CNTN3: variants seen among roughly 807,000 people sequenced by gnomAD.
CNTN3 encodes contactin-3.
Under a neutral mutation model 119.1 loss-of-function variants are expected in CNTN3, and 60 were observed. The ratio of observed to expected loss-of-function variants is 0.50; its 90% CI spans 0.41 to 0.62. The LOEUF is 0.62. Ranked by LOEUF, CNTN3 falls within the 20% of genes least tolerant of loss-of-function variation. CNTN3 has a pLI of 0.00. For synonymous variants in CNTN3, 450 were observed against 438.7 expected, an observed-to-expected ratio of 1.03 and a Z score of -0.32; for missense variants, 1,101 against 1,242.4, an observed-to-expected ratio of 0.89 and a Z score of 1.71.
chr3:74,398,648 A>G (rs995421186), intron 5 of CNTN3, among the ~76,000 whole-genome samples: 5 of 152,206 alleles, frequency 3.3e-5, no homozygotes, highest in African/African-American at 1.2e-4. Flanking sequence ...TTAAAAATTC[A>G]TTTAGATCAA....
intron 20 of CNTN3, among the ~76,000 whole-genome samples, chr3:74,276,535 CATT>C (rs1158520199): frequency 3.3e-5 from 5 of 151,974 alleles, no homozygotes; most frequent in African/African-American, 7.3e-5. Flanking sequence ...CCTGAGTGAT[CATT>C]GAGTCAAAAA....
Position 74,371,274 on chromosome 3 carries a change from A to G in CNTN3, c.580T>C (p.Tyr194His). The G allele has an allele frequency of 6.2e-7, 1 of 1,613,392 alleles. No homozygotes were observed. The highest frequency in any genetic ancestry group is 2.2e-5 in the East Asian group (1 of 44,852). ...SKVEPSDVGN[Y>H]TCVVTSMVTN... ...ACCATACTTGTCACCACACATGTGT[A>G]ATTTCCCACATCAGACGGCTCCACC... The change falls in exon 6 of 23, where the codon TAC becomes CAC. Residue 194 changes from tyrosine (Y) to histidine (H), a missense_variant. Transcript: ENST00000263665.
intron 1 of CNTN3, among the ~76,000 whole-genome samples, chr3:74,598,382 C>T (rs929087888): frequency 1.2e-4 from 18 of 152,088 alleles, no homozygotes; most frequent in Non-Finnish European, 7.4e-5. Context: ...GCTATAGCAA[C>T]CAACACCATA....
chr3:74,305,424 C>T (rs1426833896), intron 13 of CNTN3, among the ~76,000 whole-genome samples: 3 of 152,090 alleles, frequency 2.0e-5, no homozygotes, highest in Non-Finnish European at 4.4e-5. Context: ...TACAGAATGG[C>T]ATGCAGCTGT....
intron 5 of CNTN3, among the ~76,000 whole-genome samples, chr3:74,420,704 G>A (rs1381304678): frequency 6.6e-6 from 1 of 152,196 alleles, no homozygotes; most frequent in East Asian, 1.9e-4. Context: ...TTCTCATTTG[G>A]AGAATGGCAA....
chr3:74,490,069 G>A (rs1025968887), intron 3 of CNTN3, among the ~76,000 whole-genome samples: 2 of 152,162 alleles, frequency 1.3e-5, no homozygotes, highest in Non-Finnish European at 2.9e-5. Flanking sequence ...AACAGACTAT[G>A]TCTTCCACCT....
At chr3:74,278,277 T>C (rs943981035) in intron 20 of CNTN3, among the ~76,000 whole-genome samples, 2 of 151,942 alleles carry the variant, frequency 1.3e-5, no homozygotes, top group African/African-American at 4.8e-5. Context: ...AAAATTCATA[T>C]AGAATCAAAA....
chr3:74,450,235 G>A (rs536526103), intron 4 of CNTN3, among the ~76,000 whole-genome samples: 19 of 151,962 alleles, frequency 1.3e-4, no homozygotes, highest in South Asian at 4.1e-4. Flanking sequence ...ATATAAAGTC[G>A]AAACAAAACA....
chr3:74,533,027 C>G (rs1294589818), intron 1 of CNTN3, among the ~76,000 whole-genome samples: 1 of 151,952 alleles, frequency 6.6e-6, no homozygotes, highest in African/African-American at 2.4e-5. Flanking sequence ...GAAAAGCTGG[C>G]TCTGGGATGG....
At chr3:74,515,945 G>GCA (rs144756829) in intron 2 of CNTN3, among the ~76,000 whole-genome samples, 2,945 of 151,930 alleles carry the variant, frequency 0.019, 115 homozygotes, top group African/African-American at 0.068. Context: ...AGGTCTTTGT[G>GCA]CACACACACA....
chr3:74,379,426 G>T (rs1354557387), intron 5 of CNTN3, among the ~76,000 whole-genome samples: 1 of 152,118 alleles, frequency 6.6e-6, no homozygotes, highest in African/African-American at 2.4e-5. Flanking sequence ...CATTTTTAAT[G>T]CTTCTTCCAG....
At chr3:74,329,099 T>C (rs1330452486) in intron 13 of CNTN3, among the ~76,000 whole-genome samples, 1 of 152,182 alleles carries the variant, frequency 6.6e-6, no homozygotes, top group African/African-American at 2.4e-5. Context: ...ACACAAATAA[T>C]TCTATGAAAT....
chr3:74,406,766 G>A (rs1705333948), intron 5 of CNTN3, among the ~76,000 whole-genome samples: 1 of 151,624 alleles, frequency 6.6e-6, no homozygotes, highest in African/African-American at 2.4e-5. Context: ...GCACATATAT[G>A]CACACACACA....
chr3:74,513,574 AC>A (rs1226986513), intron 2 of CNTN3, among the ~76,000 whole-genome samples: 1 of 150,584 alleles, frequency 6.6e-6, no homozygotes, highest in Non-Finnish European at 1.5e-5. Context: ...ACCATTTCAC[AC>A]CCCCATAACT....
chr3:74,429,216 G>T (rs1487579307), intron 4 of CNTN3, among the ~76,000 whole-genome samples: 4 of 151,712 alleles, frequency 2.6e-5, no homozygotes, highest in African/African-American at 7.3e-5. Flanking sequence ...ATATGTAAAG[G>T]CACAGGACTT....
intron 19 of CNTN3, among the ~76,000 whole-genome samples, chr3:74,291,270 T>G (rs1702225461): frequency 6.6e-6 from 1 of 152,186 alleles, no homozygotes; most frequent in East Asian, 1.9e-4. Context: ...ATGGTGTATA[T>G]GTGCCACATT....
In CNTN3 at chr3:74,336,635, C is replaced by T. The variant is rs1703402818; in HGVS notation, c.1388G>A (p.Gly463Glu). 2 of 1,608,152 alleles carry T rather than the reference C, an allele frequency of 1.2e-6. No individual in the cohort carries two copies. The highest frequency in any genetic ancestry group is 4.5e-5 in the East Asian group (2 of 44,798). ...HERISLLNDG[G>E]LKIANVTKAD... The stretch of plus-strand genomic sequence containing the variant: ...TTTAGTCACATTGGCTATTTTGAGT[C>T]CTCCATCGTTTAACAAAGAAATTCT... The change falls in exon 12 of 23, where the codon GGA becomes GAA. Residue 463 changes from glycine to glutamate, a missense_variant. By Grantham distance (98) the Gly-to-Glu change is moderately conservative. Coordinates refer to ENST00000263665, the MANE Select transcript of CNTN3 (RefSeq NM_020872.3).
intron 5 of CNTN3, among the ~76,000 whole-genome samples, chr3:74,419,339 T>C (rs1408419751): frequency 6.6e-6 from 1 of 152,094 alleles, no homozygotes; most frequent in African/African-American, 2.4e-5. Context: ...TTCTTCAGGT[T>C]CTGTCAGCTA....
chr3:74,492,109 T>C (rs553255238), intron 3 of CNTN3, among the ~76,000 whole-genome samples: 5 of 152,166 alleles, frequency 3.3e-5, no homozygotes, highest in Non-Finnish European at 5.9e-5. Flanking sequence ...ACTTGAATGA[T>C]CCTACAAGTT....
Sources: allele counts gnomAD v4.1 joint callset (sites outside exome capture counted in the v4.1 genomes callset), GRCh38; gene constraint gnomAD v4.1.1; transcripts MANE v1.5; gene names NCBI Gene and HGNC (gene_info 2026-07-23, HGNC 2026-07-21).